The following HKDC1 variants were observed in gnomAD, a reference collection of about 807,000 sequenced individuals.
The protein encoded by HKDC1 is hexokinase domain containing 1, also known as hexokinase HKDC1.
HKDC1 carries 66 observed loss-of-function variants against 96.6 expected under a neutral mutation model. The ratio of observed to expected loss-of-function variants is 0.68; its 90% CI spans 0.56 to 0.84. The LOEUF is 0.84. Among genes scored for constraint, HKDC1 ranks in the 40% least tolerant of loss-of-function variants. The pLI, the probability that HKDC1 is intolerant of heterozygous loss-of-function variation, is 0.00. For synonymous variants in HKDC1, 466 were observed against 473.1 expected (o/e 0.98, Z 0.20); for missense variants, 1,211 against 1,208.1 (o/e 1.00, Z -0.04).
intron 15 of HKDC1, 128 bp from the exon 16 acceptor site, chr10:69,261,011 C>A: frequency 1.3e-6 from 1 of 744,248 alleles, no homozygotes; most frequent in Non-Finnish European, 2.2e-6. Context: ...TCACATCAAG[C>A]AGCTAGTATG....
At chr10:69,239,158 TG>T in intron 5 of HKDC1, 21 bp downstream of exon 5, 1 of 1,589,214 alleles carries the variant, frequency 6.3e-7, no homozygotes, top group Non-Finnish European at 8.6e-7. Flanking sequence ...CACCTCGGTG[TG>T]GGAGGCTCTC....
At chr10:69,239,275 A>G in intron 5 of HKDC1, 138 bp downstream of exon 5, 1 of 609,870 alleles carries the variant, frequency 1.6e-6, no homozygotes, top group Non-Finnish European at 2.9e-6. Flanking sequence ...TTGATCTTAG[A>G]AAAGGTCCCA....
intron 2 of HKDC1, among the ~76,000 whole-genome samples, chr10:69,229,187 C>T (rs941817145): frequency 4.6e-5 from 7 of 152,182 alleles, no homozygotes; most frequent in Non-Finnish European, 1.0e-4. Flanking sequence ...CTGGGGCTCT[C>T]GCAGGAGCAG....
At chr10:69,242,693 A>T (rs1281223056) in intron 6 of HKDC1, among the ~76,000 whole-genome samples, 3 of 152,152 alleles carry the variant, frequency 2.0e-5, no homozygotes, top group African/African-American at 7.2e-5. Flanking sequence ...TTGCTTTCTT[A>T]GGTGGTAGCT....
At chr10:69,240,834 C>T (rs1343655761) in intron 6 of HKDC1, 83 bp downstream of exon 6, 10 of 988,020 alleles carry the variant, frequency 1.0e-5, no homozygotes, top group Admixed American at 5.5e-5. Context: ...TGAGTGAATT[C>T]GGCGGGAAGG....
At chr10:69,264,197 C>CTGTGTGTGTGTGTG (rs34401681) in intron 16 of HKDC1, among the ~76,000 whole-genome samples, 2 of 139,448 alleles carry the variant, frequency 1.4e-5, no homozygotes, top group South Asian at 2.3e-4. Flanking sequence ...AGATTTCCTT[C>CTGTGTGTGTGTGTG]TGTGTGTGTG....
chr10:69,223,774 A>G (rs1201485551), intron 1 of HKDC1, among the ~76,000 whole-genome samples: 4 of 150,602 alleles, frequency 2.7e-5, no homozygotes, highest in African/African-American at 4.8e-5. Context: ...TAGTAGAGAC[A>G]GGGTTTCGCT....
intron 9 of HKDC1, among the ~76,000 whole-genome samples, 190 bp from the exon 10 acceptor site, chr10:69,248,234 A>G (rs894886025): frequency 1.3e-5 from 2 of 152,080 alleles, no homozygotes; most frequent in African/African-American, 2.4e-5. Context: ...GAGCCTCCCA[A>G]GTGCCTTCCA....
chr10:69,227,150 T>C, intron 1 of HKDC1, 57 bp from the exon 2 acceptor site: 2 of 1,594,684 alleles, frequency 1.3e-6, no homozygotes, highest in Non-Finnish European at 1.7e-6. Flanking sequence ...GGTTACAGCC[T>C]CGACTGGAGG....
intron 12 of HKDC1, among the ~76,000 whole-genome samples, chr10:69,253,006 G>C (rs1272267578): frequency 6.6e-6 from 1 of 151,578 alleles, no homozygotes; most frequent in Non-Finnish European, 1.5e-5. Context: ...GTGTGTGTGT[G>C]TGTGTGTGTT....
chr10:69,241,640 C>T (rs887447026), intron 6 of HKDC1, among the ~76,000 whole-genome samples: 6 of 152,116 alleles, frequency 3.9e-5, no homozygotes, highest in African/African-American at 9.7e-5. Context: ...CCCACCACCA[C>T]GGCTGGCCAA....
At chr10:69,263,230 C>G (rs1286513623) in intron 16 of HKDC1, among the ~76,000 whole-genome samples, 2 of 152,096 alleles carry the variant, frequency 1.3e-5, no homozygotes, top group Non-Finnish European at 2.9e-5. Flanking sequence ...TGTCAAGTAG[C>G]TGGGACTACA....
intron 10 of HKDC1, among the ~76,000 whole-genome samples, chr10:69,249,806 C>G (rs1177639237): frequency 6.6e-6 from 1 of 152,124 alleles, no homozygotes; most frequent in Non-Finnish European, 1.5e-5. Flanking sequence ...ACCGGAGGCC[C>G]CTTGAGTATA....
chr10:69,229,484 C>T (rs1843216963), intron 2 of HKDC1, among the ~76,000 whole-genome samples: 1 of 152,208 alleles, frequency 6.6e-6, no homozygotes, highest in Non-Finnish European at 1.5e-5. Context: ...CTTGACAGGG[C>T]ATCTGGGGCC....
At chr10:69,243,089 A>G (rs1355718413) in intron 6 of HKDC1, 93 bp from the exon 7 acceptor site, 12 of 1,262,832 alleles carry the variant, frequency 9.5e-6, no homozygotes, top group Non-Finnish European at 1.4e-5. Flanking sequence ...ACTTTGTGGT[A>G]CATTGAGGAG....
chr10:69,244,339 C>G (rs1843504175), intron 7 of HKDC1, among the ~76,000 whole-genome samples: 1 of 152,172 alleles, frequency 6.6e-6, no homozygotes, highest in African/African-American at 2.4e-5. Context: ...TGGTGAATTT[C>G]AAGCACCTTC....
chr10:69,239,254 C>A, intron 5 of HKDC1, 117 bp downstream of exon 5: 2 of 659,798 alleles, frequency 3.0e-6, no homozygotes, highest in South Asian at 3.7e-5. Context: ...GAGGGAGAAT[C>A]AGAGAAGGAA....
At chr10:69,225,609 G>A (rs1380488055) in intron 1 of HKDC1, among the ~76,000 whole-genome samples, 1 of 152,146 alleles carries the variant, frequency 6.6e-6, no homozygotes, top group African/African-American at 2.4e-5. Flanking sequence ...GACTGAGCTG[G>A]GTCCTGGCCT....
chr10:69,265,436 A>G (rs1843880420), intron 16 of HKDC1, 149 bp from the exon 17 acceptor site: 1 of 681,068 alleles, frequency 1.5e-6, no homozygotes, highest in Non-Finnish European at 2.5e-6. Flanking sequence ...CTCGGCTTCT[A>G]AGGCATTCTG....
Sources: allele counts gnomAD v4.1 joint callset (sites outside exome capture counted in the v4.1 genomes callset), GRCh38; gene constraint gnomAD v4.1.1; transcripts MANE v1.5; gene names NCBI Gene and HGNC (gene_info 2026-07-23, HGNC 2026-07-21).